MAP1B: variants seen among roughly 807,000 people sequenced by gnomAD.
MAP1B encodes the protein microtubule associated protein 1B.
A neutral mutation model predicts 176.1 loss-of-function variants in MAP1B; 12 were observed. The ratio of observed to expected loss-of-function variants is 0.07; its 90% CI spans 0.04 to 0.11. The LOEUF is 0.11. Ranked by LOEUF, MAP1B falls within the 10% of genes least tolerant of loss-of-function variation. MAP1B has a pLI of 1.00. For missense variants in MAP1B, 2,523 were observed against 2,990.5 expected (o/e 0.84, Z 3.65); for synonymous variants, 1,044 against 1,135.0 (o/e 0.92, Z 1.61).
chr5:72,148,955 C>T (rs1002289942), intron 2 of MAP1B, among the ~76,000 whole-genome samples: 4 of 152,118 alleles, frequency 2.6e-5, no homozygotes, highest in African/African-American at 9.7e-5. Context: ...CTCTTCAGGA[C>T]CCAGCCTTCC....
At chr5:72,193,109 A>AT (rs1561312540) in intron 4 of MAP1B, among the ~76,000 whole-genome samples, 1 of 152,250 alleles carries the variant, frequency 6.6e-6, no homozygotes, top group African/African-American at 2.4e-5. Context: ...CATGGCTTTA[A>AT]TAAAAAAGTA....
intron 1 of MAP1B, 67 bp downstream of exon 1, chr5:72,107,782 C>A (rs1745130112): frequency 6.5e-7 from 1 of 1,543,522 alleles, no homozygotes; most frequent in African/African-American, 1.4e-5. Flanking sequence ...ACCCAGGGCG[C>A]GACGGTCACT....
At chr5:72,120,136 C>G (rs1433145987) in intron 2 of MAP1B, among the ~76,000 whole-genome samples, 1 of 152,208 alleles carries the variant, frequency 6.6e-6, no homozygotes, top group Non-Finnish European at 1.5e-5. Context: ...CAAATAAAAA[C>G]TATTCTCAGG....
chr5:72,177,942 C>T (rs184790758), intron 2 of MAP1B, among the ~76,000 whole-genome samples: 6 of 151,452 alleles, frequency 4.0e-5, no homozygotes, highest in Admixed American at 3.9e-4. Flanking sequence ...CTCTTTTTTC[C>T]TTCCTTCCCT....
intron 5 of MAP1B, among the ~76,000 whole-genome samples, chr5:72,201,279 G>A (rs1367557115): frequency 6.6e-6 from 1 of 152,194 alleles, no homozygotes; most frequent in African/African-American, 2.4e-5. Context: ...GGCTGAGGCA[G>A]GAGGATCACT....
chr5:72,108,892 GGTCCCTCC>G (rs1745231178), intron 1 of MAP1B, among the ~76,000 whole-genome samples: 1 of 152,174 alleles, frequency 6.6e-6, no homozygotes, highest in African/African-American at 2.4e-5. Context: ...GAGGTCGCCG[GGTCCCTCC>G]GCAGCCCCAG....
chr5:72,178,818 G>C (rs746593061), intron 2 of MAP1B, among the ~76,000 whole-genome samples: 2 of 150,738 alleles, frequency 1.3e-5, no homozygotes, highest in Non-Finnish European at 2.9e-5. Flanking sequence ...AAGCATCCTA[G>C]AAATTTACAT....
intron 3 of MAP1B, 49 bp downstream of exon 3, chr5:72,183,874 T>A (rs1746835370): frequency 1.3e-6 from 2 of 1,512,664 alleles, no homozygotes; most frequent in South Asian, 2.3e-5. Flanking sequence ...ACACACTGGA[T>A]AGGGACCCAG....
chr5:72,145,808 T>C (rs1746034605), intron 2 of MAP1B, among the ~76,000 whole-genome samples: 1 of 152,238 alleles, frequency 6.6e-6, no homozygotes, highest in South Asian at 2.1e-4. Context: ...TCAGTTTATA[T>C]TCATCCCTAT....
intron 2 of MAP1B, among the ~76,000 whole-genome samples, chr5:72,141,922 C>A (rs1335566445): frequency 6.6e-6 from 1 of 152,206 alleles, no homozygotes; most frequent in Non-Finnish European, 1.5e-5. Context: ...ACCTTCCCTG[C>A]ATCTTGGAGC....
chr5:72,193,343 T>C (rs1747068725), intron 4 of MAP1B: 1 of 19,174 alleles, frequency 5.2e-5, no homozygotes, highest in South Asian at 4.9e-4. Context: ...CCATCAGGCC[T>C]TTTTTTTTTT....
intron 3 of MAP1B, 152 bp downstream of exon 3, chr5:72,183,977 G>A (rs915258643): frequency 9.5e-6 from 6 of 634,912 alleles, no homozygotes; most frequent in Admixed American, 5.6e-5. Context: ...CCATTAAGTG[G>A]CTGGTTCCCT....
At chr5:72,139,276 G>A (rs1196065662) in intron 2 of MAP1B, among the ~76,000 whole-genome samples, 1 of 152,120 alleles carries the variant, frequency 6.6e-6, no homozygotes, top group Non-Finnish European at 1.5e-5. Flanking sequence ...CTCTAGGGTC[G>A]GTCTGTGCCT....
At chr5:72,114,234 C>A (rs1048038756) in intron 1 of MAP1B, among the ~76,000 whole-genome samples, 2 of 151,664 alleles carry the variant, frequency 1.3e-5, no homozygotes, top group African/African-American at 4.8e-5. Flanking sequence ...TTTGTAATGT[C>A]TATGTATAAT....
At chr5:72,127,245 T>G (rs1490831401) in intron 2 of MAP1B, among the ~76,000 whole-genome samples, 2 of 152,220 alleles carry the variant, frequency 1.3e-5, no homozygotes, top group African/African-American at 2.4e-5. Flanking sequence ...TAGCACACCA[T>G]AATTTAGCAA....
At chr5:72,162,953 G>C (rs1274192893) in intron 2 of MAP1B, among the ~76,000 whole-genome samples, 1 of 152,064 alleles carries the variant, frequency 6.6e-6, no homozygotes, top group Non-Finnish European at 1.5e-5. Context: ...GCCTCGGCTG[G>C]GTGTGGGGGC....
rs746693302 is a variant in MAP1B, at chr5:72,197,365, A to C, written c.4010A>C (p.Tyr1337Ser). 2 of 1,614,224 alleles carry C rather than the reference A, an allele frequency of 1.2e-6. No homozygotes were observed. Among genetic ancestry groups the C allele is most frequent in the South Asian group, 2.2e-5 (2 of 91,088 alleles). The part of the protein sequence containing the change: ...VTGSAGHTPY[Y>S]QSPTDEKSSH... ...GGCAGTGCTGGTCACACACCTTACT[A>C]TCAATCTCCTACTGACGAGAAATCC... Residue 1337 changes from tyrosine (Y) to serine (S), a missense_variant, in exon 5 of 7, where the codon TAT becomes TCT. This residue lies in a region of MAP1B where 1,925 missense variants were observed against 2,126.0 expected (regional missense o/e 0.91). Coordinates refer to ENST00000296755, the MANE Select transcript of MAP1B (RefSeq NM_005909.5).
rs528452245 is a variant in MAP1B, at chr5:72,164,809, G to A, written c.287-18934G>A. ...GCTGGGTGAACATTGCTTTCCCTGC[G>A]TGTTTTTACTTGCAAGGGTATTTTG... On this transcript the variant is annotated intron_variant, in intron 2 of 6. Transcript: ENST00000296755. Among the ~76,000 whole-genome samples, 163 of 152,236 alleles carry A rather than the reference G, an allele frequency of 1.1e-3. 1 individual carries two copies. Among genetic ancestry groups the A allele is most frequent in the African/African-American group, 3.6e-3 (151 of 41,536 alleles).
At chr5:72,133,083 G>A (rs1712151946) in intron 2 of MAP1B, among the ~76,000 whole-genome samples, 1 of 152,212 alleles carries the variant, frequency 6.6e-6, no homozygotes, top group Non-Finnish European at 1.5e-5. Flanking sequence ...GAGCAGCCAT[G>A]CATCTGGCGT....
Sources: gnomAD v4.1 joint callset for allele counts (sites outside exome capture counted in the v4.1 genomes callset) on GRCh38, gnomAD v4.1.1 for gene constraint, gnomAD v4.1.1 regional missense constraint, MANE v1.5 for transcripts, NCBI Gene and HGNC (gene_info 2026-07-23, HGNC 2026-07-21) for gene names.